Variants in EXOC2 observed in about 807,000 individuals in gnomAD.
EXOC2 encodes the protein exocyst complex component 2, also known as SEC5-like 1.
In EXOC2, 70 loss-of-function variants were observed where a neutral mutation model predicts 131.8. The ratio of observed to expected loss-of-function variants is 0.53; its 90% CI spans 0.44 to 0.65. The LOEUF is 0.65. Among genes scored for constraint, EXOC2 ranks in the 30% least tolerant of loss-of-function variants. The pLI, the probability that EXOC2 is intolerant of heterozygous loss-of-function variation, is 0.00. For missense variants in EXOC2, 923 were observed against 1,108.6 expected, an observed-to-expected ratio of 0.83 and a Z score of 2.38; for synonymous variants, 411 against 398.4, an observed-to-expected ratio of 1.03 and a Z score of -0.38.
intron 4 of EXOC2, among the ~76,000 whole-genome samples, chr6:621,162 GACATGGAGAAC>G: frequency 6.6e-6 from 1 of 152,174 alleles, no homozygotes. Context: ...TGCACACCTG[GACATGGAGAAC>G]ACCCCTAAAA....
At chr6:657,251 C>A in intron 1 of EXOC2, 1 of 277,584 alleles carries the variant, frequency 3.6e-6, no homozygotes, top group Non-Finnish European at 6.7e-6. Flanking sequence ...TCTTAGTATT[C>A]TAAACACAAT....
intron 6 of EXOC2, among the ~76,000 whole-genome samples, chr6:613,200 T>C (rs1181761628): frequency 6.6e-6 from 1 of 152,164 alleles, no homozygotes; most frequent in East Asian, 1.9e-4. Context: ...GAAAAAAAAC[T>C]GTACTAAACA....
chr6:609,962 C>A, intron 7 of EXOC2, 136 bp downstream of exon 7: 1 of 633,088 alleles, frequency 1.6e-6, no homozygotes, highest in Non-Finnish European at 2.8e-6. Context: ...CCTTTGTGTT[C>A]ATTAAATCAC....
chr6:586,110 T>C (rs896327727), intron 11 of EXOC2, among the ~76,000 whole-genome samples: 34 of 152,230 alleles, frequency 2.2e-4, no homozygotes, highest in African/African-American at 8.2e-4. Context: ...GTAGTAATTG[T>C]GTTTTCAAAT....
At chr6:530,582 G>A (rs1766018697) in intron 23 of EXOC2, among the ~76,000 whole-genome samples, 1 of 152,252 alleles carries the variant, frequency 6.6e-6, no homozygotes, top group African/African-American at 2.4e-5. Flanking sequence ...ACAGGGCCCG[G>A]AAGGGCAGGA....
chr6:581,588 G>T (rs1758908838), intron 11 of EXOC2, among the ~76,000 whole-genome samples: 1 of 152,088 alleles, frequency 6.6e-6, no homozygotes, highest in Non-Finnish European at 1.5e-5. Context: ...CAGGAAAAAT[G>T]ATACAAAACA....
chr6:545,431 G>C (rs1180914913), intron 22 of EXOC2, among the ~76,000 whole-genome samples: 1 of 152,110 alleles, frequency 6.6e-6, no homozygotes, highest in African/African-American at 2.4e-5. Context: ...AATTTGGTTG[G>C]TGGCAAATTT....
rs1298673432 is a variant in EXOC2 at position 619,465 on chromosome 6, T to C, written c.501A>G (p.Ala167=). The C allele has an allele frequency of 6.2e-7, 1 of 1,614,006 alleles. No individual in the cohort carries two copies. Among genetic ancestry groups the C allele is most frequent in the African/African-American group, 1.3e-5 (1 of 74,932 alleles). The change falls in exon 5 of 28, where the codon GCA becomes GCG. Residue 167 remains alanine, a synonymous_variant. Coordinates refer to ENST00000230449, the MANE Select transcript of EXOC2 (RefSeq NM_018303.6). ...AGTGATTCTCTATAAGATACCAGGC[T>C]GCTGAGAAATTCTCACTTGTAAAAT... ...SADFTSENFS[A]AWYLIENHSN...
chr6:546,493 G>A (rs1290744666), intron 22 of EXOC2, among the ~76,000 whole-genome samples: 1 of 152,122 alleles, frequency 6.6e-6, no homozygotes, highest in South Asian at 2.1e-4. Context: ...TTTCTTTGGT[G>A]TGCAGGTGAC....
Position 559,539 on chromosome 6 carries a change from C to T in EXOC2, c.1852-2975G>A, listed in dbSNP as rs1028827754. Among the ~76,000 whole-genome samples the T allele has an allele frequency of 9.9e-5, 15 of 152,256 alleles. 1 individual carries two copies. The highest frequency in any genetic ancestry group is 3.9e-4 in the East Asian group (2 of 5,188). On this transcript the variant is annotated intron_variant, in intron 17 of 27. Transcript: ENST00000230449. The stretch of plus-strand genomic sequence containing the variant: ...TGCTATTTCCTAGGGCTCATTCATT[C>T]GCAAGGTGCACTGGGGGTCAGTTCT...
chr6:654,831 A>AAAAAAAG, intron 1 of EXOC2, among the ~76,000 whole-genome samples: 1 of 144,372 alleles, frequency 6.9e-6, no homozygotes, highest in Admixed American at 7.0e-5. Flanking sequence ...AAAAAAAAAA[A>AAAAAAAG]AAAAAAGTAG....
At chr6:631,536 T>G (rs1761857451) in intron 3 of EXOC2, among the ~76,000 whole-genome samples, 3 of 151,714 alleles carry the variant, frequency 2.0e-5, no homozygotes, top group Admixed American at 2.0e-4. Flanking sequence ...AGAGCAAGAC[T>G]CTGTCTCAAA....
intron 3 of EXOC2, among the ~76,000 whole-genome samples, chr6:630,262 TTA>T (rs1491012900): frequency 6.8e-6 from 1 of 147,772 alleles, no homozygotes; most frequent in African/African-American, 2.5e-5. Flanking sequence ...CAAACATATT[TTA>T]CAAATAATAA....
At chr6:551,859 C>T (rs1417623558) in intron 21 of EXOC2, among the ~76,000 whole-genome samples, 3 of 152,342 alleles carry the variant, frequency 2.0e-5, no homozygotes, top group East Asian at 3.9e-4. Flanking sequence ...CTCTGATTAA[C>T]CCTTTTCAGG....
chr6:643,167 G>A (rs1428529687), intron 1 of EXOC2, among the ~76,000 whole-genome samples: 5 of 152,042 alleles, frequency 3.3e-5, no homozygotes, highest in Non-Finnish European at 7.4e-5. Context: ...CATAGTTTGA[G>A]GTTTTAATAT....
chr6:672,703 T>C (rs975165531), intron 1 of EXOC2, among the ~76,000 whole-genome samples: 20 of 152,220 alleles, frequency 1.3e-4, no homozygotes, highest in African/African-American at 4.8e-4. Context: ...GCTTTTTCCT[T>C]ATCCTGTGGC....
At chr6:617,291 CG>C (rs1247935892) in intron 6 of EXOC2, among the ~76,000 whole-genome samples, 2 of 152,236 alleles carry the variant, frequency 1.3e-5, no homozygotes, top group African/African-American at 4.8e-5. Context: ...CAGCTACCTG[CG>C]TGCATACGTG....
intron 7 of EXOC2, among the ~76,000 whole-genome samples, chr6:603,496 T>C (rs1009040381): frequency 6.6e-6 from 1 of 152,196 alleles, no homozygotes; most frequent in African/African-American, 2.4e-5. Flanking sequence ...CAAGAGCAAC[T>C]GTCAGTATCT....
intron 1 of EXOC2, among the ~76,000 whole-genome samples, chr6:671,912 T>G (rs943046212): frequency 1.3e-5 from 2 of 151,844 alleles, no homozygotes; most frequent in Admixed American, 1.3e-4. Flanking sequence ...TTTTTATTTT[T>G]TATTTATTTA....
Sources: gnomAD v4.1 joint callset for allele counts (sites outside exome capture counted in the v4.1 genomes callset) on GRCh38, gnomAD v4.1.1 for gene constraint, MANE v1.5 for transcripts, NCBI Gene and HGNC (gene_info 2026-07-23, HGNC 2026-07-21) for gene names.